Variants in RECQL5 observed in about 807,000 individuals in gnomAD.
The protein encoded by RECQL5 is ATP-dependent DNA helicase Q5.
RECQL5 carries 88 observed loss-of-function variants against 103.4 expected under a neutral mutation model. That is an observed-to-expected ratio of 0.85 (90% confidence interval 0.72 to 1.02). RECQL5 has a LOEUF of 1.02. RECQL5 is among the 50% of genes least tolerant of loss of function. RECQL5 has a pLI of 0.00. For missense variants in RECQL5, 1,232 were observed against 1,284.3 expected (o/e 0.96, Z 0.62); for synonymous variants, 552 against 507.9 (o/e 1.09, Z -1.17).
At chr17:75,648,772 AC>A (rs1210885536) in intron 8 of RECQL5, 1 of 148,156 alleles carries the variant, frequency 6.7e-6, no homozygotes, top group Non-Finnish European at 1.5e-5. Context: ...TTCTGAGTTT[AC>A]ATGATCCTCC....
At chr17:75,662,442 C>A in intron 4 of RECQL5, 37 bp downstream of exon 4, 6 of 1,597,462 alleles carry the variant, frequency 3.8e-6, no homozygotes, top group Non-Finnish European at 5.1e-6. Context: ...CACCCCACTG[C>A]TCTAACAGCT....
rs775682051 is a variant in RECQL5 at position 75,627,272 on chromosome 17, G to C, written c.*150C>G. On this transcript the variant is annotated 3_prime_UTR_variant, in exon 20 of 20. Coordinates refer to ENST00000317905, the MANE Select transcript of RECQL5 (RefSeq NM_004259.7). ...GGGCTGACCTCTGACCTGGATTCAG[G>C]GGGTGTCTGGGGTCATCCCCAAAGC... The C allele has an allele frequency of 1.4e-6, 1 of 712,956 alleles. No individual in the cohort carries two copies. Among genetic ancestry groups the C allele is most frequent in the South Asian group, 1.5e-5 (1 of 64,896 alleles). 44.2% of individuals were successfully genotyped at this position (712,956 alleles called of 1,614,324 possible).
At chr17:75,649,676 A>G (rs2148312928) in intron 8 of RECQL5, 1 of 985,502 alleles carries the variant, frequency 1.0e-6, no homozygotes, top group African/African-American at 1.7e-5. Flanking sequence ...TATGCAATAA[A>G]GAAACATTCA....
chr17:75,664,795 C>G (rs1568287878), intron 3 of RECQL5, among the ~76,000 whole-genome samples: 1 of 151,730 alleles, frequency 6.6e-6, no homozygotes, highest in Non-Finnish European at 1.5e-5. Context: ...CACCTGTAAT[C>G]CCAGCTATAT....
chr17:75,633,654 A>G, intron 8 of RECQL5: 1 of 1,174,056 alleles, frequency 8.5e-7, no homozygotes, highest in Non-Finnish European at 1.1e-6. Flanking sequence ...GAGAGAGGCC[A>G]GAGGGAGGGA....
chr17:75,642,196 G>T (rs1347405079), intron 8 of RECQL5, among the ~76,000 whole-genome samples: 5 of 152,196 alleles, frequency 3.3e-5, no homozygotes, highest in Non-Finnish European at 7.3e-5. Context: ...CAGGAGTGAG[G>T]GGAGGGGAGG....
chr17:75,629,770 C>A lies in RECQL5; in HGVS notation c.1885G>T (p.Ala629Ser), dbSNP rs747922592. The change falls in exon 15 of 20, where the codon GCC (alanine) becomes TCC (serine). Residue 629 changes from alanine to serine, a missense_variant. Transcript: ENST00000317905. ...TTGGGCTCCGGGGGCTCAGCTTGGG[C>A]ACTGCAGCTCTTGGCACTGCCTCCC... ...DMGGSAKSCS[A>S]QAEPPEPNEY... 2.5e-6 allele frequency: 4 copies of A among 1,613,648 alleles called. No homozygotes were observed. The highest frequency in any genetic ancestry group is 3.4e-6 in the Non-Finnish European group (4 of 1,179,806).
chr17:75,631,960 C>A (rs1227797376), intron 8 of RECQL5, among the ~76,000 whole-genome samples: 1 of 152,272 alleles, frequency 6.6e-6, no homozygotes, highest in Non-Finnish European at 1.5e-5. Context: ...CTCCTCCCCT[C>A]TGTCCTCTGG....
chr17:75,627,836 G>A (rs888225550), intron 18 of RECQL5, 144 bp from the exon 19 acceptor site: 13 of 695,622 alleles, frequency 1.9e-5, no homozygotes, highest in Admixed American at 1.1e-4. Context: ...TGGCTAACAC[G>A]GTGAAACCCT....
Position 75,635,685 on chromosome 17 carries a change from C to G in RECQL5, c.1230-4017G>C, listed in dbSNP as rs530008756. On this transcript the variant is annotated intron_variant, in intron 8 of 19. Transcript: ENST00000317905. ...TCTCCCACAAGTGTCAGTTATGCCT[C>G]CTTCTAGGTGGACCTCAAACGAGAT... The G allele has an allele frequency of 1.6e-5, 10 of 616,708 alleles. No individual in the cohort carries two copies. In the African/African-American group the frequency reaches 2.0e-4, roughly 12 times the overall value. The allele number at this position is 616,708 out of a possible 1,614,324, so 38.2% of individuals were successfully genotyped here.
chr17:75,664,891 C>T lies in RECQL5; in HGVS notation c.252+160G>A, dbSNP rs143210397. 3.3e-4 allele frequency among the ~76,000 whole-genome samples: 44 copies of T among 131,408 alleles called. No homozygotes were observed. In the East Asian group the frequency reaches 6.2e-3, roughly 19 times the overall value. 86.2% of individuals were successfully genotyped at this position (131,408 alleles called of 152,430 possible). A position where few individuals can be genotyped will look rare whatever the true frequency, so the allele number is the denominator to read the frequency against. On this transcript the variant is annotated intron_variant, in intron 3 of 19. Coordinates refer to ENST00000317905, the MANE Select transcript of RECQL5 (RefSeq NM_004259.7). ...TCGCACCACCGCACTTCAGCCTAGG[C>T]GACAGAGTAAGACTCTGTCTCAAAA...
intron 8 of RECQL5, among the ~76,000 whole-genome samples, chr17:75,643,101 G>A (rs1456910926): frequency 6.6e-6 from 1 of 152,234 alleles, no homozygotes; most frequent in African/African-American, 2.4e-5. Flanking sequence ...CCTCCCGGAA[G>A]AAAAACACAG....
intron 15 of RECQL5, 38 bp from the exon 16 acceptor site, chr17:75,629,513 C>T: frequency 2.7e-6 from 4 of 1,501,500 alleles, no homozygotes; most frequent in Non-Finnish European, 2.7e-6. Flanking sequence ...GTTCAGCCCA[C>T]TAGGCCCCCT....
intron 2 of RECQL5, among the ~76,000 whole-genome samples, chr17:75,665,803 A>G (rs1437112823): frequency 6.6e-6 from 1 of 152,128 alleles, no homozygotes; most frequent in Admixed American, 6.5e-5. Context: ...TGTAGACATG[A>G]GAGGACATTA....
At position 75,628,688 on chromosome 17, in the gene RECQL5, C is replaced by T. The variant is rs1487001585; in HGVS notation, c.2564G>A (p.Arg855Gln). 1.4e-5 allele frequency: 22 copies of T among 1,589,188 alleles called. No homozygotes were observed. The highest frequency in any genetic ancestry group is 2.3e-5 in the South Asian group (2 of 87,218). ...TGCCGGCACCTGCTGGGATCGAGGC[C>T]GCTTGCCCTTCCATGTGTCCTTTGC... is the stretch of plus-strand genomic sequence containing the variant. The part of the protein sequence containing the change: ...TPAKDTWKGK[R>Q]PRSQQENPES... The change falls in exon 17 of 20, where the codon CGG (arginine) becomes CAG (glutamine). Residue 855 changes from arginine to glutamine, a missense_variant. Coordinates refer to ENST00000317905, the MANE Select transcript of RECQL5 (RefSeq NM_004259.7).
intron 8 of RECQL5, chr17:75,647,418 G>A (rs941343117): frequency 2.3e-5 from 36 of 1,549,870 alleles, no homozygotes; most frequent in African/African-American, 2.7e-5. Context: ...GGAATGATGC[G>A]TTCTGGCAGA....
intron 7 of RECQL5, among the ~76,000 whole-genome samples, chr17:75,656,699 C>T (rs1418079582): frequency 6.6e-6 from 1 of 150,646 alleles, no homozygotes; most frequent in African/African-American, 2.4e-5. Context: ...TTCTCTCCTA[C>T]TTTCATTATC....
rs555153888 is a variant in RECQL5, at chr17:75,660,214, G to A, written c.986+741C>T. ...CCCAAGTAGCTGGGACTACAGGCACGCACCACCACACCTGGCTAATTTTTA... is the reference window on the plus strand; with the variant it reads ...CCCAAGTAGCTGGGACTACAGGCACACACCACCACACCTGGCTAATTTTTA... On this transcript the variant is annotated intron_variant, in intron 6 of 19. Transcript: ENST00000317905. Among the ~76,000 whole-genome samples the A allele has an allele frequency of 4.6e-5, 7 of 152,074 alleles. No individual in the cohort carries two copies. In the South Asian group the frequency reaches 6.2e-4, roughly 14 times the overall value.
chr17:75,665,399 T>A (rs1395920145), intron 2 of RECQL5, among the ~76,000 whole-genome samples: 1 of 152,014 alleles, frequency 6.6e-6, no homozygotes, highest in Non-Finnish European at 1.5e-5. Context: ...AAACAAGATT[T>A]AAAAAGTCTG....
Sources: gnomAD v4.1 joint callset for allele counts (sites outside exome capture counted in the v4.1 genomes callset) on GRCh38, gnomAD v4.1.1 for gene constraint, MANE v1.5 for transcripts, NCBI Gene and HGNC (gene_info 2026-07-23, HGNC 2026-07-21) for gene names.